Variants in SLC25A21 observed in about 807,000 individuals in gnomAD.
The protein encoded by SLC25A21 is mitochondrial 2-oxodicarboxylate carrier.
In SLC25A21, 47 loss-of-function variants were observed where a neutral mutation model predicts 43.8. The observed-to-expected ratio is 1.07, with a 90% CI of 0.85 to 1.37. The LOEUF (loss-of-function observed/expected upper bound fraction) is 1.37, where lower values mean the gene tolerates loss of function less well. SLC25A21 is among the 40% of genes most tolerant of loss of function. The pLI is 0.00. For missense variants in SLC25A21, 352 were observed against 350.2 expected, an observed-to-expected ratio of 1.00 and a Z score of -0.04; for synonymous variants, 131 against 121.3, an observed-to-expected ratio of 1.08 and a Z score of -0.52.
At chr14:37,162,736 T>C (rs1405339321) in intron 1 of SLC25A21, among the ~76,000 whole-genome samples, 1 of 152,214 alleles carries the variant, frequency 6.6e-6, no homozygotes, top group Non-Finnish European at 1.5e-5. Context: ...AGTGTGGCGA[T>C]TCCTCAGGGA....
In SLC25A21 at chr14:36,866,477, A is replaced by G. The variant is rs529949971; in HGVS notation, c.119+8479T>C. 3.9e-5 allele frequency among the ~76,000 whole-genome samples: 6 copies of G among 152,352 alleles called. No individual in the cohort carries two copies. In the South Asian group the frequency reaches 1.2e-3, roughly 32 times the overall value. ...TAAAAATATGAAAGGGATATAAGCT[A>G]CAACTCTCTCAGATTGTGACTTCCA... On this transcript the variant is annotated intron_variant, in intron 2 of 9. Coordinates refer to ENST00000331299, the MANE Select transcript of SLC25A21 (RefSeq NM_030631.4).
chr14:36,729,315 T>C (rs1194752980), intron 5 of SLC25A21, among the ~76,000 whole-genome samples, 192 bp downstream of exon 5: 1 of 152,180 alleles, frequency 6.6e-6, no homozygotes, highest in African/African-American at 2.4e-5. Context: ...TTATCATAAA[T>C]TCATCACTGG....
chr14:37,078,463 A>T (rs1019442619), intron 1 of SLC25A21, among the ~76,000 whole-genome samples: 1 of 152,238 alleles, frequency 6.6e-6, no homozygotes, highest in East Asian at 1.9e-4. Context: ...AAGGAAGGAG[A>T]GTTCCACTGC....
chr14:36,898,099 T>G (rs1161277133), intron 1 of SLC25A21, among the ~76,000 whole-genome samples: 1 of 152,218 alleles, frequency 6.6e-6, no homozygotes, highest in Non-Finnish European at 1.5e-5. Context: ...AGGATTCTGC[T>G]GCATTTTGTT....
chr14:36,903,457 C>A (rs995674128), intron 1 of SLC25A21, among the ~76,000 whole-genome samples: 5 of 151,120 alleles, frequency 3.3e-5, no homozygotes, highest in African/African-American at 9.7e-5. Context: ...ACTAAAAATA[C>A]AAAAAATTAG....
At chr14:37,017,544 C>T (rs1290758593) in intron 1 of SLC25A21, among the ~76,000 whole-genome samples, 1 of 151,960 alleles carries the variant, frequency 6.6e-6, no homozygotes, top group Non-Finnish European at 1.5e-5. Context: ...AAATGTGACA[C>T]AGAGACTCCA....
chr14:37,172,178 A>G (rs1384655155), intron 1 of SLC25A21, 103 bp downstream of exon 1: 3 of 1,198,788 alleles, frequency 2.5e-6, no homozygotes, highest in East Asian at 5.2e-5. Flanking sequence ...ATTTTGAGGA[A>G]GAGGGCAGAA....
At chr14:37,007,925 G>A (rs146953096) in intron 1 of SLC25A21, among the ~76,000 whole-genome samples, 1,749 of 148,352 alleles carry the variant, frequency 0.012, 6 homozygotes, top group Non-Finnish European at 0.019. Context: ...CCATCCTCAA[G>A]TAAACTACCA....
chr14:37,058,011 A>C (rs1961867550), intron 1 of SLC25A21, among the ~76,000 whole-genome samples: 1 of 152,228 alleles, frequency 6.6e-6, no homozygotes. Context: ...GCAATTTTGA[A>C]TTTGGAATAT....
At chr14:36,904,464 T>C (rs1362765893) in intron 1 of SLC25A21, among the ~76,000 whole-genome samples, 3 of 152,208 alleles carry the variant, frequency 2.0e-5, no homozygotes, top group Non-Finnish European at 4.4e-5. Flanking sequence ...ATTGAAAATG[T>C]ATGGAAAATA....
intron 7 of SLC25A21, among the ~76,000 whole-genome samples, chr14:36,702,038 A>G (rs1490923230): frequency 6.6e-6 from 1 of 152,216 alleles, no homozygotes; most frequent in East Asian, 1.9e-4. Context: ...ATGTCCATTT[A>G]GTTCCACTTA....
chr14:36,986,481 C>T (rs561042695), intron 1 of SLC25A21, among the ~76,000 whole-genome samples: 1 of 152,252 alleles, frequency 6.6e-6, no homozygotes, highest in Admixed American at 6.5e-5. Context: ...CTGTGGGAAT[C>T]CTGAAGACTT....
intron 1 of SLC25A21, among the ~76,000 whole-genome samples, chr14:36,883,206 C>A (rs1412083137): frequency 1.3e-5 from 2 of 152,164 alleles, no homozygotes; most frequent in Non-Finnish European, 2.9e-5. Context: ...CATTACTCCT[C>A]TCACCTGCTG....
At chr14:37,108,704 AGTGTGTGTGTGTGTGT>A (rs56801840) in intron 1 of SLC25A21, among the ~76,000 whole-genome samples, 89 of 149,352 alleles carry the variant, frequency 6.0e-4, no homozygotes, top group Admixed American at 8.6e-4. Flanking sequence ...AGTTTTGTTA[AGTGTGTGTGTGTGTGT>A]GTGTGTGTGT....
chr14:36,876,555 C>G (rs1890530306), intron 1 of SLC25A21, among the ~76,000 whole-genome samples: 1 of 151,804 alleles, frequency 6.6e-6, no homozygotes, highest in Admixed American at 6.6e-5. Flanking sequence ...TTATTAAGCC[C>G]TGTTACTCAA....
chr14:36,987,438 A>C (rs78876247), intron 1 of SLC25A21, among the ~76,000 whole-genome samples: 2,989 of 152,326 alleles, frequency 0.02, 98 homozygotes, highest in African/African-American at 0.068. Flanking sequence ...AAAAAGTATA[A>C]AGAAAATAAA....
At chr14:37,040,378 A>G (rs58538885) in intron 1 of SLC25A21, among the ~76,000 whole-genome samples, 678 of 34,184 alleles carry the variant, frequency 0.02, 200 homozygotes, top group African/African-American at 0.14. Flanking sequence ...AGAGAGAGAA[A>G]GAAAGAAAGA....
At chr14:36,861,941 T>G (rs1043259721) in intron 2 of SLC25A21, among the ~76,000 whole-genome samples, 1 of 152,178 alleles carries the variant, frequency 6.6e-6, no homozygotes, top group African/African-American at 2.4e-5. Flanking sequence ...CATAAAAAAG[T>G]GCACGAAGGA....
At chr14:37,051,923 C>T (rs1021609034) in intron 1 of SLC25A21, among the ~76,000 whole-genome samples, 11 of 152,140 alleles carry the variant, frequency 7.2e-5, no homozygotes, top group Non-Finnish European at 1.3e-4. Context: ...GCAGTCCAGA[C>T]GGCAGCCGGC....
Sources: gnomAD v4.1 joint callset for allele counts (sites outside exome capture counted in the v4.1 genomes callset) on GRCh38, gnomAD v4.1.1 for gene constraint, MANE v1.5 for transcripts, NCBI Gene and HGNC (gene_info 2026-07-23, HGNC 2026-07-21) for gene names.